BBOF1: variants seen among roughly 807,000 people sequenced by gnomAD.
The protein encoded by BBOF1 is basal body orientation factor 1.
In BBOF1, 62 loss-of-function variants were observed where a neutral mutation model predicts 68.0. The observed-to-expected ratio is 0.91, with a 90% confidence interval of 0.74 to 1.13. The LOEUF (loss-of-function observed/expected upper bound fraction) is 1.13, where lower values mean the gene tolerates loss of function less well. Ranked by LOEUF, BBOF1 falls within the 50% of genes most tolerant of loss-of-function variation. BBOF1 has a pLI of 0.00. For synonymous variants in BBOF1, 208 were observed against 198.8 expected, an observed-to-expected ratio of 1.05 and a Z score of -0.39; for missense variants, 534 against 600.1, an observed-to-expected ratio of 0.89 and a Z score of 1.15.
downstream of BBOF1, among the ~76,000 whole-genome samples, chr14:74,067,214 A>C (rs2060480991): frequency 6.6e-6 from 1 of 152,202 alleles, no homozygotes; most frequent in African/African-American, 2.4e-5. Flanking sequence ...TGTGCTTTAA[A>C]AAAAAAGACT....
intron 8 of BBOF1, among the ~76,000 whole-genome samples, chr14:74,050,833 G>A (rs1287598571): frequency 6.6e-6 from 1 of 152,132 alleles, no homozygotes; most frequent in Non-Finnish European, 1.5e-5. Context: ...TGTAGGCCAG[G>A]CATGGTGGCT....
chr14:74,028,517 G>GAAAC (rs2059490045), intron 2 of BBOF1, among the ~76,000 whole-genome samples: 1 of 127,708 alleles, frequency 7.8e-6, no homozygotes, highest in Admixed American at 7.5e-5. Context: ...CACACAAATA[G>GAAAC]AGGGAAAGCA....
intron 4 of BBOF1, among the ~76,000 whole-genome samples, chr14:74,038,793 C>T (rs2059766291): frequency 1.3e-5 from 2 of 151,856 alleles, no homozygotes; most frequent in Admixed American, 1.3e-4. Flanking sequence ...TGCTTGAGCC[C>T]AGGAGTTCAA....
intron 3 of BBOF1, among the ~76,000 whole-genome samples, chr14:74,029,456 C>T (rs530637377): frequency 8.8e-4 from 134 of 152,124 alleles, no homozygotes; most frequent in African/African-American, 3.0e-3. Flanking sequence ...GCTGAGGCGG[C>T]GGATCACCTG....
At chr14:74,045,610 A>G (rs553523937) in intron 5 of BBOF1, among the ~76,000 whole-genome samples, 3 of 152,254 alleles carry the variant, frequency 2.0e-5, no homozygotes, top group East Asian at 1.9e-4. Context: ...CGCCCGGACA[A>G]TGCTCATAGT....
chr14:74,067,556 T>C, downstream of BBOF1: 2 of 1,613,992 alleles, frequency 1.2e-6, no homozygotes, highest in Non-Finnish European at 1.7e-6. Context: ...GACTACCCCA[T>C]GGTTCTTGGC....
intron 5 of BBOF1, among the ~76,000 whole-genome samples, chr14:74,043,346 C>G (rs2059871594): frequency 1.3e-5 from 2 of 149,726 alleles, no homozygotes; most frequent in Non-Finnish European, 3.0e-5. Context: ...GTCAGGAGAT[C>G]GAGACCATCC....
At chr14:74,043,105 C>T (rs964026459) in intron 5 of BBOF1, among the ~76,000 whole-genome samples, 1 of 152,074 alleles carries the variant, frequency 6.6e-6, no homozygotes, top group Non-Finnish European at 1.5e-5. Flanking sequence ...GCTTTCCAAT[C>T]GGCCTGTTCA....
In BBOF1 at chr14:74,047,975, T is replaced by C. The variant is rs772039593; in HGVS notation, c.693T>C (p.Tyr231=). 8.1e-6 allele frequency: 13 copies of C among 1,611,854 alleles called. No homozygotes were observed. In the East Asian group the frequency reaches 2.9e-4, roughly 36 times the overall value. ...AGRNVFKEND[Y]LQKALAYHLK... The stretch of plus-strand genomic sequence containing the variant: ...GAAATGTTTTTAAAGAGAATGATTA[T>C]CTTCAGAAAGCTCTGGCATATCACC... Residue 231 remains tyrosine (Y), a synonymous_variant, in exon 7 of 12, where the codon TAT becomes TAC. Coordinates refer to ENST00000394009, the MANE Select transcript of BBOF1 (RefSeq NM_025057.3).
chr14:74,072,366 T>C, intron 9 of BBOF1: 1 of 1,614,172 alleles, frequency 6.2e-7, no homozygotes, highest in South Asian at 1.1e-5. Context: ...ATTGGTGGCC[T>C]GATGAGAAAA....
intron 2 of BBOF1, among the ~76,000 whole-genome samples, chr14:74,026,740 C>T (rs1327143024): frequency 6.6e-6 from 1 of 151,888 alleles, no homozygotes; most frequent in African/African-American, 2.4e-5. Flanking sequence ...GACTGGCCAA[C>T]ATGGCAGAAC....
intron 2 of BBOF1, among the ~76,000 whole-genome samples, 153 bp from the exon 3 acceptor site, chr14:74,029,031 G>T (rs778640780): frequency 1.3e-5 from 2 of 152,136 alleles, no homozygotes; most frequent in African/African-American, 2.4e-5. Context: ...CAGGTTGAAG[G>T]TATGGGAAAT....
intron 3 of BBOF1, among the ~76,000 whole-genome samples, chr14:74,033,140 G>T (rs990230690): frequency 6.6e-5 from 10 of 152,122 alleles, no homozygotes; most frequent in African/African-American, 2.2e-4. Context: ...AGAGATAAAA[G>T]GTGTGTTAGG....
At chr14:74,046,231 T>C in intron 6 of BBOF1, 101 bp downstream of exon 6, 2 of 1,071,710 alleles carry the variant, frequency 1.9e-6, no homozygotes, top group Non-Finnish European at 2.6e-6. Flanking sequence ...CTGTTCTGGC[T>C]TACTTGCTTC....
rs1174068670 is a variant in BBOF1 at position 74,049,741 on chromosome 14, C to T, written c.832C>T (p.Leu278Phe). 4 of 1,611,852 alleles carry T rather than the reference C, an allele frequency of 2.5e-6. No homozygotes were observed. The African/African-American group carries it at 5.4e-5, about 22-fold the overall frequency. Reference protein sequence around the residue: ...DLLVKEKIMQLVQQRSQIQTL... With the variant: ...DLLVKEKIMQFVQQRSQIQTL... Reference sequence around the variant, plus strand: ...GTTGGTTAAGGAAAAGATTATGCAACTTGTCCAGCAGAGATCACAAATCCA... The same window carrying T: ...GTTGGTTAAGGAAAAGATTATGCAATTTGTCCAGCAGAGATCACAAATCCA... Residue 278 changes from leucine to phenylalanine, a missense_variant, in exon 8 of 12, where the codon CTT becomes TTT. Transcript: ENST00000394009.
chr14:74,060,498 G>T, intron 11 of BBOF1: 1 of 713,938 alleles, frequency 1.4e-6, no homozygotes, highest in Admixed American at 2.1e-5. Flanking sequence ...TAGAAACTTT[G>T]CGGGGGTTAA....
intron 8 of BBOF1, chr14:74,054,971 A>G (rs2060155296): frequency 6.5e-6 from 1 of 152,802 alleles, no homozygotes; most frequent in Non-Finnish European, 1.5e-5. Flanking sequence ...CAGCCTCCTT[A>G]GAGTTTTCTA....
intron 2 of BBOF1, among the ~76,000 whole-genome samples, chr14:74,023,745 G>A (rs151303304): frequency 0.016 from 2,485 of 151,850 alleles, 58 homozygotes; most frequent in African/African-American, 0.056. Flanking sequence ...GTGAAACCCC[G>A]TCTCTACTAA....
intron 8 of BBOF1, among the ~76,000 whole-genome samples, chr14:74,050,959 T>C (rs1363190186): frequency 6.7e-6 from 1 of 148,820 alleles, no homozygotes; most frequent in African/African-American, 2.5e-5. Flanking sequence ...AATACAAAAA[T>C]TAGGCTGGGT....
Sources: allele counts gnomAD v4.1 joint callset (sites outside exome capture counted in the v4.1 genomes callset), GRCh38; gene constraint gnomAD v4.1.1; transcripts MANE v1.5; gene names NCBI Gene and HGNC (gene_info 2026-07-23, HGNC 2026-07-21).